The following ELP4 variants were observed in gnomAD, a reference collection of about 807,000 sequenced individuals.
ELP4 encodes the protein elongator acetyltransferase complex subunit 4.
ELP4 carries 51 observed loss-of-function variants against 48.9 expected under a neutral mutation model. The observed-to-expected ratio is 1.04, with a 90% CI of 0.83 to 1.32. ELP4 has a LOEUF of 1.32. ELP4 is among the 40% of genes most tolerant of loss of function. The pLI, the probability that ELP4 is intolerant of heterozygous loss-of-function variation, is 0.00. For synonymous variants in ELP4, 210 were observed against 189.2 expected (o/e 1.11, Z -0.90); for missense variants, 519 against 514.6 (o/e 1.01, Z -0.08).
chr11:31,682,247 ATCATAGATTAC>A lies in ELP4; in HGVS notation c.1143+32030_1143+32040del, dbSNP rs1946069151. Among the ~76,000 whole-genome samples, 5 of 152,298 alleles carry A rather than the reference ATCATAGATTAC, an allele frequency of 3.3e-5. No homozygotes were observed. The South Asian group carries it at 1.0e-3, about 32-fold the overall frequency. On this transcript the variant is annotated intron_variant, in intron 9 of 9. Transcript: ENST00000640961. ...TCTGAATGATGAAAGAGGAGGAAGA[ATCATAGATTAC>A]TCAAGGCTGTAATATTAGTGGCCCA...
chr11:31,644,445 CAT>C, intron 7 of ELP4, among the ~76,000 whole-genome samples: 1 of 151,736 alleles, frequency 6.6e-6, no homozygotes, highest in East Asian at 1.9e-4. Flanking sequence ...TGGTGAATAA[CAT>C]AAAAACACTT....
At chr11:31,709,742 A>G (rs1946702543) in intron 9 of ELP4, among the ~76,000 whole-genome samples, 2 of 152,220 alleles carry the variant, frequency 1.3e-5, no homozygotes, top group African/African-American at 2.4e-5. Flanking sequence ...GCCTAATACA[A>G]TAACTGGCAT....
intron 1 of ELP4, among the ~76,000 whole-genome samples, chr11:31,510,218 C>A (rs981352752): frequency 1.3e-5 from 2 of 152,194 alleles, no homozygotes; most frequent in Non-Finnish European, 2.9e-5. Context: ...CCCTCGCTCT[C>A]TATTTCATTC....
rs1457567976 is a variant in ELP4, at chr11:31,789,658, T to C, written c.*6134T>C. 7 of 701,258 alleles carry C rather than the reference T, an allele frequency of 1.0e-5. No individual in the cohort carries two copies. The highest frequency in any genetic ancestry group is 1.8e-5 in the Non-Finnish European group (7 of 384,440). The allele number at this position is 701,258 out of a possible 1,614,324, so 43.4% of individuals were successfully genotyped here. On this transcript the variant is annotated 3_prime_UTR_variant, in exon 10 of 10. Transcript: ENST00000640961. ...CATTGTTCTTTTTTTCATTATAACA[T>C]ACAAATGCCCATTTACAAATAATAC...
intron 4 of ELP4, among the ~76,000 whole-genome samples, chr11:31,601,572 A>G (rs973706380): frequency 2.6e-5 from 4 of 152,194 alleles, no homozygotes; most frequent in Admixed American, 1.3e-4. Flanking sequence ...TTTCTATCAC[A>G]TTAATATTGT....
chr11:31,515,358 A>G (rs1307894226), intron 1 of ELP4, among the ~76,000 whole-genome samples: 1 of 152,168 alleles, frequency 6.6e-6, no homozygotes, highest in Non-Finnish European at 1.5e-5. Flanking sequence ...AATACACATA[A>G]GATTTTTTAG....
chr11:31,559,133 G>T (rs771990983), intron 3 of ELP4, among the ~76,000 whole-genome samples: 1 of 152,156 alleles, frequency 6.6e-6, no homozygotes, highest in Non-Finnish European at 1.5e-5. Context: ...AAATTAAATA[G>T]ATGAGCTGTG....
chr11:31,769,673 A>T (rs888726690), intron 9 of ELP4, among the ~76,000 whole-genome samples: 5 of 152,218 alleles, frequency 3.3e-5, no homozygotes, highest in Admixed American at 1.3e-4. Context: ...ACAGTTACCA[A>T]GTAGGAGCTT....
At chr11:31,630,621 G>T (rs551038807) in intron 6 of ELP4, among the ~76,000 whole-genome samples, 2 of 152,022 alleles carry the variant, frequency 1.3e-5, no homozygotes, top group Admixed American at 1.3e-4. Flanking sequence ...GAACCACAGC[G>T]CCTGGCTTCT....
At chr11:31,562,238 A>G (rs1957035379) in intron 3 of ELP4, among the ~76,000 whole-genome samples, 1 of 152,206 alleles carries the variant, frequency 6.6e-6, no homozygotes, top group Non-Finnish European at 1.5e-5. Flanking sequence ...ATATTTTTAA[A>G]TAATTAGGTT....
chr11:31,775,021 G>A (rs562166748), intron 9 of ELP4, among the ~76,000 whole-genome samples: 1 of 152,244 alleles, frequency 6.6e-6, no homozygotes, highest in Non-Finnish European at 1.5e-5. Flanking sequence ...GACTGTGTTA[G>A]CACCTACCCT....
At chr11:31,658,180 T>C (rs1945478104) in intron 9 of ELP4, among the ~76,000 whole-genome samples, 2 of 152,044 alleles carry the variant, frequency 1.3e-5, no homozygotes, top group African/African-American at 4.8e-5. Context: ...TCCTGAAGGA[T>C]TCTTCAATAA....
chr11:31,545,396 G>A (rs1956683137), intron 3 of ELP4, among the ~76,000 whole-genome samples: 1 of 152,158 alleles, frequency 6.6e-6, no homozygotes, highest in Admixed American at 6.5e-5. Flanking sequence ...GATGGAAGAT[G>A]AAATGAATAA....
intron 9 of ELP4, among the ~76,000 whole-genome samples, chr11:31,706,522 ATTAAT>A (rs1251026533): frequency 3.4e-5 from 5 of 147,944 alleles, no homozygotes; most frequent in Non-Finnish European, 7.5e-5. Context: ...TATATATGTA[ATTAAT>A]TTAATTTGTT....
intron 5 of ELP4, among the ~76,000 whole-genome samples, chr11:31,612,936 A>C (rs1363477844): frequency 2.0e-5 from 3 of 152,206 alleles, no homozygotes; most frequent in Admixed American, 2.0e-4. Flanking sequence ...AACAAAGAGA[A>C]TACCAACCAA....
At position 31,650,171 on chromosome 11, in the gene ELP4, G is replaced by A; in HGVS notation, c.1093G>A (p.Asp365Asn). 6.5e-7 allele frequency: 1 copy of A among 1,532,182 alleles called. No individual in the cohort carries two copies. 94.9% of individuals were successfully genotyped at this position (1,532,182 alleles called of 1,614,324 possible). A position where few individuals can be genotyped will look rare whatever the true frequency, so the allele number is the denominator to read the frequency against. ...TAATAACTTGATCTGTGATGAATCAGATGTCAAAGACTTAGCTTTTAAATT... is the reference window on the plus strand; with the variant it reads ...TAATAACTTGATCTGTGATGAATCAAATGTCAAAGACTTAGCTTTTAAATT... ...RLNNLICDES[D>N]VKDLAFKLKR... The change falls in exon 9 of 10, where the codon GAT becomes AAT. Residue 365 changes from aspartate to asparagine, a missense_variant. Asp to Asn is a conservative substitution (Grantham distance 23). Transcript: ENST00000640961.
intron 5 of ELP4, among the ~76,000 whole-genome samples, chr11:31,622,772 G>A (rs751101278): frequency 1.3e-5 from 2 of 151,296 alleles, no homozygotes; most frequent in Non-Finnish European, 3.0e-5. Context: ...CAGAAAACAG[G>A]TTTACATTTG....
intron 9 of ELP4, among the ~76,000 whole-genome samples, chr11:31,746,576 A>C (rs1234435393): frequency 6.6e-6 from 1 of 152,212 alleles, no homozygotes; most frequent in Admixed American, 6.5e-5. Flanking sequence ...TGATGAGTTC[A>C]TGTCCTTTGT....
chr11:31,547,015 T>C (rs1302496449), intron 3 of ELP4, among the ~76,000 whole-genome samples: 1 of 151,920 alleles, frequency 6.6e-6, no homozygotes, highest in Admixed American at 6.6e-5. Flanking sequence ...TAGCACTAAA[T>C]GCCCACAAGA....
Sources: allele counts gnomAD v4.1 joint callset (sites outside exome capture counted in the v4.1 genomes callset), GRCh38; gene constraint gnomAD v4.1.1; transcripts MANE v1.5; gene names NCBI Gene and HGNC (gene_info 2026-07-23, HGNC 2026-07-21).